GOLGA3: variants seen among roughly 807,000 people sequenced by gnomAD.
The protein encoded by GOLGA3 is golgin A3, also known as golgin subfamily A member 3.
In GOLGA3, 75 loss-of-function variants were observed where a neutral mutation model predicts 169.4. The observed-to-expected ratio is 0.44, with a 90% CI of 0.37 to 0.54. The LOEUF (loss-of-function observed/expected upper bound fraction) is 0.54. Among genes scored for constraint, GOLGA3 ranks in the 20% least tolerant of loss-of-function variants. The probability of loss-of-function intolerance (pLI) is 0.00; values close to 1 mark genes in which losing one functional copy is unlikely to be tolerated. For missense variants in GOLGA3, 1,899 were observed against 1,930.0 expected (o/e 0.98, Z 0.30); for synonymous variants, 824 against 822.4 (o/e 1.00, Z -0.03).
chr12:132,781,491 A>G (rs1034577514), intron 17 of GOLGA3, among the ~76,000 whole-genome samples: 2 of 152,118 alleles, frequency 1.3e-5, no homozygotes, highest in Non-Finnish European at 2.9e-5. Context: ...CCCGGGAGGC[A>G]GGGAGCCGCG....
intron 2 of GOLGA3, among the ~76,000 whole-genome samples, chr12:132,818,630 A>C (rs978554075): frequency 3.3e-5 from 5 of 152,222 alleles, no homozygotes; most frequent in African/African-American, 1.2e-4. Flanking sequence ...CGAAAACCAC[A>C]AACACTTAAA....
chr12:132,813,528 T>G, intron 3 of GOLGA3, 109 bp from the exon 4 acceptor site: 2 of 597,326 alleles, frequency 3.3e-6, no homozygotes. Flanking sequence ...ACTTTACACC[T>G]AAACAATGCA....
intron 15 of GOLGA3, among the ~76,000 whole-genome samples, chr12:132,784,712 CCACA>C (rs55815113): frequency 1.1e-4 from 16 of 151,666 alleles, no homozygotes; most frequent in African/African-American, 3.1e-4. Context: ...ATCCCACACA[CCACA>C]CACACACGTG....
At position 132,771,647 on chromosome 12, in the gene GOLGA3, T is replaced by C. The variant is rs2044900415; in HGVS notation, c.*1458A>G. The C allele has an allele frequency of 6.6e-6, 1 of 152,102 alleles. No homozygotes were observed. 9.4% of individuals were successfully genotyped at this position (152,102 alleles called of 1,614,324 possible). A position where few individuals can be genotyped will look rare whatever the true frequency, so the allele number is the denominator to read the frequency against. On this transcript the variant is annotated 3_prime_UTR_variant, in exon 24 of 24. Coordinates refer to ENST00000450791, the MANE Select transcript of GOLGA3 (RefSeq NM_001389683.1). The stretch of plus-strand genomic sequence containing the variant: ...GCCTCTGCTTGCCACATGATGCTGG[T>C]GTAACCACAAAAGATCCAGGACTTC...
Position 132,815,234 on chromosome 12 carries a change from C to A in GOLGA3, c.406+1306G>T, listed in dbSNP as rs576990862. 5.3e-5 allele frequency among the ~76,000 whole-genome samples: 8 copies of A among 152,328 alleles called. No homozygotes were observed. In the South Asian group the frequency reaches 1.7e-3, roughly 32 times the overall value. ...CAAATTCAGGCCTATGGCCACCAGG[C>A]AGATATTTATATAAGTCGGCAAAAT... On this transcript the variant is annotated intron_variant, in intron 3 of 23. Coordinates refer to ENST00000450791, the MANE Select transcript of GOLGA3 (RefSeq NM_001389683.1).
intron 12 of GOLGA3, among the ~76,000 whole-genome samples, chr12:132,789,776 G>T (rs1231541985): frequency 6.6e-6 from 1 of 152,226 alleles, no homozygotes; most frequent in Admixed American, 6.5e-5. Flanking sequence ...GCTCACACTT[G>T]TAATCCCAGC....
At chr12:132,812,789 G>A (rs961453707) in intron 4 of GOLGA3, among the ~76,000 whole-genome samples, 9 of 152,174 alleles carry the variant, frequency 5.9e-5, no homozygotes, top group Non-Finnish European at 1.5e-5. Context: ...ACTTTAGTGC[G>A]GTTTTAAGAA....
Position 132,816,810 on chromosome 12 carries a change from C to T in GOLGA3, c.136G>A (p.Ala46Thr). Residue 46 changes from alanine to threonine, a missense_variant and splice_region_variant, in exon 3 of 24, where the codon GCC becomes ACC. Physicochemically the swap from Ala to Thr is moderately conservative, Grantham distance 58. Coordinates refer to ENST00000450791, the MANE Select transcript of GOLGA3 (RefSeq NM_001389683.1). The stretch of plus-strand genomic sequence containing the variant: ...TCCGTGGATGCTCTGTTTACCTCGG[C>T]ACCTGGAAAGACAGAGCACGCTGGA... Reference protein sequence around the residue: ...PPDQQDKVQCAEVNRASTEGE... With the variant: ...PPDQQDKVQCTEVNRASTEGE... The T allele has an allele frequency of 6.3e-7, 1 of 1,591,068 alleles. No individual in the cohort carries two copies. The highest frequency in any genetic ancestry group is 1.1e-5 in the South Asian group (1 of 89,580).
intron 3 of GOLGA3, among the ~76,000 whole-genome samples, chr12:132,813,623 C>T (rs925028604): frequency 1.2e-4 from 18 of 152,184 alleles, no homozygotes; most frequent in Middle Eastern, 3.4e-3. Context: ...ATCTACCTCA[C>T]AGGAGACACA....
chr12:132,783,963 C>T, intron 16 of GOLGA3: 1 of 1,465,118 alleles, frequency 6.8e-7, no homozygotes, highest in Non-Finnish European at 9.0e-7. Context: ...AGAGGCTGTA[C>T]AGTGATCCTC....
At chr12:132,825,320 C>T (rs1226081352) in intron 1 of GOLGA3, among the ~76,000 whole-genome samples, 1 of 152,156 alleles carries the variant, frequency 6.6e-6, no homozygotes, top group African/African-American at 2.4e-5. Context: ...CACTGTACCT[C>T]ACGTGGCCTC....
chr12:132,808,432 G>T lies in GOLGA3; in HGVS notation c.637C>A (p.Leu213Met). Residue 213 changes from leucine (L) to methionine (M), a missense_variant, in exon 5 of 24, where the codon CTG (leucine) becomes ATG (methionine). By Grantham distance (15) the Leu-to-Met change is conservative. Transcript: ENST00000450791. ...GGCCCCCGAGGGACACTGGTGCGCA[G>T]GAAGGAATATTCTTTTGTCATAGCC... Reference protein sequence around the residue: ...TLAMTKEYSFLRTSVPRGPKV... With the variant: ...TLAMTKEYSFMRTSVPRGPKV... 6.2e-7 allele frequency: 1 copy of T among 1,614,118 alleles called. No individual in the cohort carries two copies.
chr12:132,814,635 G>A (rs529160916), intron 3 of GOLGA3, among the ~76,000 whole-genome samples: 10 of 152,204 alleles, frequency 6.6e-5, no homozygotes, highest in Admixed American at 2.6e-4. Context: ...AGGCTCTGGC[G>A]GTACTCAAAT....
At chr12:132,812,582 C>T (rs1329648288) in intron 4 of GOLGA3, among the ~76,000 whole-genome samples, 2 of 152,136 alleles carry the variant, frequency 1.3e-5, no homozygotes, top group Admixed American at 6.6e-5. Flanking sequence ...TCTACCCTCA[C>T]GGACAGCGTT....
intron 12 of GOLGA3, among the ~76,000 whole-genome samples, 166 bp downstream of exon 12, chr12:132,791,050 C>CAAAAAAAAAAAAA (rs771719474): frequency 1.9e-5 from 1 of 52,648 alleles, no homozygotes; most frequent in East Asian, 1.0e-3. Flanking sequence ...GACTCCGTCT[C>CAAAAAAAAAAAAA]AAAAAAAAAA....
chr12:132,806,310 C>T (rs1949397308), intron 6 of GOLGA3, among the ~76,000 whole-genome samples: 1 of 152,198 alleles, frequency 6.6e-6, no homozygotes, highest in Non-Finnish European at 1.5e-5. Flanking sequence ...AGTGGCTACA[C>T]AGAGGAGGGG....
At position 132,822,036 on chromosome 12, in the gene GOLGA3, C is replaced by T. The variant is rs751451305; in HGVS notation, c.93G>A (p.Pro31=). ...SSLPEAPLKP[P]GPLVPPDQQD... ...GCTGGTCAGGTGGCACCAGTGGGCCCGGGGGCTTCAGTGGGGCCTCGGGGA... is the reference window on the plus strand; with the variant it reads ...GCTGGTCAGGTGGCACCAGTGGGCCTGGGGGCTTCAGTGGGGCCTCGGGGA... The change falls in exon 2 of 24, where the codon CCG becomes CCA. Residue 31 remains proline (P), a synonymous_variant. Coordinates refer to ENST00000450791, the MANE Select transcript of GOLGA3 (RefSeq NM_001389683.1). 1.1e-5 allele frequency: 18 copies of T among 1,609,062 alleles called. No homozygotes were observed. Among genetic ancestry groups the T allele is most frequent in the East Asian group, 2.3e-5 (1 of 44,380 alleles).
At chr12:132,776,011 C>T (rs955611759) in intron 21 of GOLGA3, among the ~76,000 whole-genome samples, 7 of 152,252 alleles carry the variant, frequency 4.6e-5, no homozygotes, top group African/African-American at 7.2e-5. Flanking sequence ...TGCCGCATGA[C>T]GTGGACCAGG....
At position 132,824,737 on chromosome 12, in the gene GOLGA3, G is replaced by GGTGA. The variant is rs575371672; in HGVS notation, c.-183-2430_-183-2427dup. Among the ~76,000 whole-genome samples the GGTGA allele has an allele frequency of 1.2e-4, 19 of 152,244 alleles. No homozygotes were observed. The East Asian group carries it at 3.5e-3, about 28-fold the overall frequency. ...CATCCCTGGATTTTCCGGGTGGGTG[G>GGTGA]GTGATAAATGGGCCTTAGAGCCTAG... On this transcript the variant is annotated intron_variant, in intron 1 of 23. Transcript: ENST00000450791.
Sources: gnomAD v4.1 joint callset for allele counts (sites outside exome capture counted in the v4.1 genomes callset) on GRCh38, gnomAD v4.1.1 for gene constraint, MANE v1.5 for transcripts, NCBI Gene and HGNC (gene_info 2026-07-23, HGNC 2026-07-21) for gene names.